Variants in RAB3IP observed in about 807,000 individuals in gnomAD.
RAB3IP encodes RAB3A interacting protein, also known as rab-3A-interacting protein.
RAB3IP carries 36 observed loss-of-function variants against 59.1 expected under a neutral mutation model. The observed-to-expected ratio is 0.61, with a 90% CI of 0.47 to 0.80. The LOEUF (loss-of-function observed/expected upper bound fraction) is 0.80, where lower values mean the gene tolerates loss of function less well. Among genes scored for constraint, RAB3IP ranks in the 30% least tolerant of loss-of-function variants. The pLI is 0.00. For missense variants in RAB3IP, 511 were observed against 536.0 expected (o/e 0.95, Z 0.46); for synonymous variants, 207 against 191.2 (o/e 1.08, Z -0.68).
At chr12:69,791,792 T>C (rs897571947) in intron 4 of RAB3IP, among the ~76,000 whole-genome samples, 4 of 152,232 alleles carry the variant, frequency 2.6e-5, no homozygotes, top group African/African-American at 9.6e-5. Context: ...AGCTACCGCA[T>C]GATCCAGCAA....
chr12:69,784,884 AGG>A, intron 4 of RAB3IP, 69 bp downstream of exon 4: 1 of 884,904 alleles, frequency 1.1e-6, no homozygotes, highest in Admixed American at 2.1e-5. Flanking sequence ...TTGTATTTTG[AGG>A]GAATCTTGAA....
chr12:69,780,665 A>G (rs1444750323), intron 3 of RAB3IP, among the ~76,000 whole-genome samples: 1 of 152,216 alleles, frequency 6.6e-6, no homozygotes, highest in Non-Finnish European at 1.5e-5. Context: ...TTGTGCAAGC[A>G]GTAATAAACT....
At chr12:69,812,658 C>T (rs1268913591) in intron 8 of RAB3IP, 120 bp from the exon 9 acceptor site, 3 of 665,146 alleles carry the variant, frequency 4.5e-6, no homozygotes, top group Non-Finnish European at 7.9e-6. Context: ...TAGAACGGTG[C>T]CTGGTACACA....
chr12:69,797,990 G>A (rs1057052422), intron 6 of RAB3IP, among the ~76,000 whole-genome samples: 4 of 152,268 alleles, frequency 2.6e-5, no homozygotes, highest in African/African-American at 9.6e-5. Flanking sequence ...ACATACGTGT[G>A]CGTGTGTCTT....
Position 69,812,782 on chromosome 12 carries a change from T to C in RAB3IP, c.1135T>C (p.Cys379Arg). The C allele has an allele frequency of 1.3e-6, 2 of 1,596,306 alleles. No homozygotes were observed. The highest frequency in any genetic ancestry group is 1.7e-6 in the Non-Finnish European group (2 of 1,170,862). The change falls in exon 9 of 11, where the codon TGT becomes CGT. Residue 379 changes from cysteine to arginine, a missense_variant. Coordinates refer to ENST00000247833, the MANE Select transcript of RAB3IP (RefSeq NM_022456.5). The part of the protein sequence containing the change: ...SAVECGGPKK[C>R]ALTGQSKSCK... ...AAATTTATCATTATTTCACAGAAAA[T>C]GTGCTCTCACTGGCCAGAGTAAGTC...
rs1179826469 is a variant in RAB3IP at position 69,759,916 on chromosome 12, G to A, written c.510+3253G>A. The stretch of plus-strand genomic sequence containing the variant: ...GACGGGGTCGCGGCTGGACAGAGGC[G>A]CTCCCCACATCTCAGACGATGGGTG... On this transcript the variant is annotated intron_variant, in intron 3 of 10. Coordinates refer to ENST00000247833, the MANE Select transcript of RAB3IP (RefSeq NM_022456.5). Among the ~76,000 whole-genome samples the A allele has an allele frequency of 4.0e-5, 6 of 151,534 alleles. No homozygotes were observed. The South Asian group carries it at 6.3e-4, about 16-fold the overall frequency.
rs1172313961 is a variant in RAB3IP at position 69,813,844 on chromosome 12, A to G, written c.1300+811A>G. Among the ~76,000 whole-genome samples the G allele has an allele frequency of 2.0e-5, 3 of 151,820 alleles. No homozygotes were observed. In the East Asian group the frequency reaches 5.8e-4, roughly 29 times the overall value. On this transcript the variant is annotated intron_variant, in intron 10 of 10. Coordinates refer to ENST00000247833, the MANE Select transcript of RAB3IP (RefSeq NM_022456.5). ...GGTAGAAGCCTACCATCTTTCAATCATGTAAAGCAGTGAATCTTAATTCTA... is the reference window on the plus strand; with the variant it reads ...GGTAGAAGCCTACCATCTTTCAATCGTGTAAAGCAGTGAATCTTAATTCTA...
At chr12:69,762,768 A>G (rs1156553493) in intron 3 of RAB3IP, among the ~76,000 whole-genome samples, 1 of 149,076 alleles carries the variant, frequency 6.7e-6, no homozygotes, top group South Asian at 2.1e-4. Flanking sequence ...AAAAAAAAAA[A>G]AAAAAAAAAA....
At chr12:69,741,968 T>C (rs1489255571) in intron 1 of RAB3IP, among the ~76,000 whole-genome samples, 4 of 152,226 alleles carry the variant, frequency 2.6e-5, no homozygotes, top group Non-Finnish European at 5.9e-5. Context: ...CAAATACTCA[T>C]TGAGCATCTA....
rs1181947346 is a variant in RAB3IP at position 69,820,668 on chromosome 12, G to A, written c.*5222G>A. 1.3e-5 allele frequency: 2 copies of A among 151,870 alleles called. No homozygotes were observed. The highest frequency in any genetic ancestry group is 2.9e-5 in the Non-Finnish European group (2 of 68,072). The allele number at this position is 151,870 out of a possible 1,614,324, so 9.4% of individuals were successfully genotyped here. A position where few individuals can be genotyped will look rare whatever the true frequency, so the allele number is the denominator to read the frequency against. On this transcript the variant is annotated 3_prime_UTR_variant, in exon 11 of 11. Transcript: ENST00000247833. ...GAGGTTGGTAGTTCGAGACCTGCTT[G>A]GCCAACATGGAGAAACCCTGTCTCT...
intron 3 of RAB3IP, among the ~76,000 whole-genome samples, chr12:69,780,877 A>G (rs1267930513): frequency 1.3e-5 from 2 of 151,830 alleles, no homozygotes; most frequent in Non-Finnish European, 2.9e-5. Context: ...AAATGCATTT[A>G]TATATCTTAA....
intron 8 of RAB3IP, among the ~76,000 whole-genome samples, chr12:69,806,823 C>T (rs1879386370): frequency 6.6e-6 from 1 of 152,076 alleles, no homozygotes; most frequent in Non-Finnish European, 1.5e-5. Context: ...TAACAAAGCA[C>T]ATCTTGCACT....
intron 1 of RAB3IP, among the ~76,000 whole-genome samples, chr12:69,754,200 G>T (rs1395373543): frequency 6.6e-6 from 1 of 152,052 alleles, no homozygotes; most frequent in Non-Finnish European, 1.5e-5. Context: ...GATATTATTG[G>T]AACAATTAGT....
At chr12:69,812,178 A>T (rs563013579) in intron 8 of RAB3IP, 6 of 152,446 alleles carry the variant, frequency 3.9e-5, no homozygotes, top group African/African-American at 1.4e-4. Flanking sequence ...GAAAGCCCTC[A>T]TATAAAATTT....
intron 3 of RAB3IP, among the ~76,000 whole-genome samples, chr12:69,779,660 T>A (rs1874308625): frequency 6.6e-6 from 1 of 150,416 alleles, no homozygotes; most frequent in Non-Finnish European, 1.5e-5. Flanking sequence ...TTTCACTGCT[T>A]TCACTGCACA....
chr12:69,801,022 C>T (rs1471489471), intron 7 of RAB3IP, among the ~76,000 whole-genome samples: 1 of 152,086 alleles, frequency 6.6e-6, no homozygotes, highest in Non-Finnish European at 1.5e-5. Flanking sequence ...ATATCTTGTT[C>T]ATTGTGGCTC....
chr12:69,760,003 C>T (rs1418548291), intron 3 of RAB3IP, among the ~76,000 whole-genome samples: 4 of 152,060 alleles, frequency 2.6e-5, no homozygotes, highest in Non-Finnish European at 4.4e-5. Flanking sequence ...GCTGCAATCT[C>T]GTCACTTTGG....
rs757190650 is a variant in RAB3IP at position 69,801,597 on chromosome 12, T to A, written c.1018-12T>A. On this transcript the variant is annotated splice_polypyrimidine_tract_variant and intron_variant, in intron 7 of 10. Coordinates refer to ENST00000247833, the MANE Select transcript of RAB3IP (RefSeq NM_022456.5). ...CCAGTATAGCATCTAGTACTTTTTC[T>A]TTTTTTTTAAGTTGGCTTCAGCTGT... 6.8e-7 allele frequency: 1 copy of A among 1,478,438 alleles called. No individual in the cohort carries two copies. Among genetic ancestry groups the A allele is most frequent in the African/African-American group, 1.4e-5 (1 of 71,182 alleles). The allele number at this position is 1,478,438 out of a possible 1,614,324, so 91.6% of individuals were successfully genotyped here.
chr12:69,741,344 A>G (rs1458121446), intron 1 of RAB3IP, among the ~76,000 whole-genome samples: 1 of 152,236 alleles, frequency 6.6e-6, no homozygotes, highest in Non-Finnish European at 1.5e-5. Flanking sequence ...ACAGCTGGCC[A>G]GTGACAGAGC....
Sources: gnomAD v4.1 joint callset for allele counts (sites outside exome capture counted in the v4.1 genomes callset) on GRCh38, gnomAD v4.1.1 for gene constraint, MANE v1.5 for transcripts, NCBI Gene and HGNC (gene_info 2026-07-23, HGNC 2026-07-21) for gene names.